THEMIS: variants seen among roughly 807,000 people sequenced by gnomAD.
The protein encoded by THEMIS is thymocyte selection associated.
In THEMIS, 37 loss-of-function variants were observed where a neutral mutation model predicts 52.6. That is an observed-to-expected ratio of 0.70 (90% CI 0.54 to 0.93). THEMIS has a LOEUF of 0.93. Among genes scored for constraint, THEMIS ranks in the 40% least tolerant of loss-of-function variants. The probability of loss-of-function intolerance (pLI) is 0.00; values close to 1 mark genes in which losing one functional copy is unlikely to be tolerated. For synonymous variants in THEMIS, 292 were observed against 272.7 expected (o/e 1.07, Z -0.70); for missense variants, 808 against 763.1 (o/e 1.06, Z -0.69).
chr6:127,883,744 G>A (rs991759300), intron 1 of THEMIS, among the ~76,000 whole-genome samples: 4 of 152,172 alleles, frequency 2.6e-5, no homozygotes, highest in African/African-American at 9.6e-5. Flanking sequence ...TAAGATTTGT[G>A]CTCAATTATT....
At chr6:127,726,754 A>G (rs931555696) in intron 4 of THEMIS, among the ~76,000 whole-genome samples, 1 of 152,148 alleles carries the variant, frequency 6.6e-6, no homozygotes, top group African/African-American at 2.4e-5. Context: ...TTTGATTGAA[A>G]TGAGTTGAAG....
chr6:127,815,082 C>T (rs1208216134), intron 3 of THEMIS, among the ~76,000 whole-genome samples: 2 of 152,008 alleles, frequency 1.3e-5, no homozygotes, highest in Admixed American at 1.3e-4. Context: ...GCCTGAGAAG[C>T]AAATGTTGCA....
chr6:127,734,444 G>A (rs956386186), intron 4 of THEMIS, among the ~76,000 whole-genome samples: 1 of 152,162 alleles, frequency 6.6e-6, no homozygotes, highest in Non-Finnish European at 1.5e-5. Flanking sequence ...GATGAAGTCA[G>A]GTAATGAGTA....
At chr6:127,716,550 C>T (rs1164544916) in intron 5 of THEMIS, among the ~76,000 whole-genome samples, 1 of 151,798 alleles carries the variant, frequency 6.6e-6, no homozygotes, top group African/African-American at 2.4e-5. Context: ...TCCAGATCTC[C>T]CTATGGGATC....
At chr6:127,793,703 A>T (rs1336265581) in intron 4 of THEMIS, among the ~76,000 whole-genome samples, 2 of 152,104 alleles carry the variant, frequency 1.3e-5, no homozygotes, top group South Asian at 2.1e-4. Flanking sequence ...ACTCAACTGA[A>T]TTTTTTTGTT....
intron 4 of THEMIS, among the ~76,000 whole-genome samples, chr6:127,808,137 G>C (rs915440238): frequency 6.6e-6 from 1 of 152,172 alleles, no homozygotes; most frequent in African/African-American, 2.4e-5. Context: ...TGGCCAAACA[G>C]AGTTAGTGAA....
intron 3 of THEMIS, among the ~76,000 whole-genome samples, chr6:127,814,578 C>T (rs1465944572): frequency 6.6e-6 from 1 of 152,054 alleles, no homozygotes; most frequent in Non-Finnish European, 1.5e-5. Flanking sequence ...TTTCTTTCTC[C>T]ACTGGTGTTA....
At chr6:127,897,559 G>A (rs1005574591) in intron 1 of THEMIS, among the ~76,000 whole-genome samples, 11 of 151,484 alleles carry the variant, frequency 7.3e-5, no homozygotes, top group African/African-American at 2.7e-4. Flanking sequence ...AATCTTATTA[G>A]TCATCAAGGA....
intron 4 of THEMIS, among the ~76,000 whole-genome samples, chr6:127,778,253 A>C (rs1776629641): frequency 6.6e-6 from 1 of 152,234 alleles, no homozygotes; most frequent in South Asian, 2.1e-4. Context: ...GCCTTCTGAC[A>C]ATCTTCCCTA....
intron 5 of THEMIS, among the ~76,000 whole-genome samples, 168 bp downstream of exon 5, chr6:127,719,520 T>C (rs977986012): frequency 6.6e-6 from 1 of 151,948 alleles, no homozygotes; most frequent in African/African-American, 2.4e-5. Flanking sequence ...GTGTTCAATA[T>C]CATGCTTCAC....
At chr6:127,779,950 C>A (rs1250758506) in intron 4 of THEMIS, among the ~76,000 whole-genome samples, 4 of 152,104 alleles carry the variant, frequency 2.6e-5, no homozygotes, top group Non-Finnish European at 5.9e-5. Context: ...CCCTGCATAT[C>A]CTTGTTAATT....
chr6:127,820,657 C>A (rs1316760394), intron 3 of THEMIS, among the ~76,000 whole-genome samples: 1 of 151,954 alleles, frequency 6.6e-6, no homozygotes, highest in Non-Finnish European at 1.5e-5. Context: ...GGGAGTCTAC[C>A]TTTCTTTCTA....
intron 4 of THEMIS, among the ~76,000 whole-genome samples, chr6:127,802,427 C>T (rs900699749): frequency 6.6e-5 from 10 of 152,146 alleles, no homozygotes; most frequent in African/African-American, 2.4e-4. Flanking sequence ...GGCCAAGTGG[C>T]AGCACTGAAC....
chr6:127,913,064 T>C (rs1781446216), intron 1 of THEMIS, among the ~76,000 whole-genome samples: 1 of 152,204 alleles, frequency 6.6e-6, no homozygotes, highest in African/African-American at 2.4e-5. Context: ...TATTTTTCCA[T>C]GCCTGAATGA....
In THEMIS at chr6:127,900,829, G is replaced by A. The variant is rs764684227; in HGVS notation, c.91+13C>T. 2.5e-6 allele frequency: 4 copies of A among 1,606,746 alleles called. No homozygotes were observed. The highest frequency in any genetic ancestry group is 2.6e-6 in the Non-Finnish European group (3 of 1,173,652). On this transcript the variant is annotated intron_variant, in intron 1 of 5. Transcript: ENST00000368248. Reference sequence around the variant, plus strand: ...GAATGTTCTAGCCAGTAAAGGTATTGGAGAGTGCTTACCTTCAAGATAGAT... The same window carrying A: ...GAATGTTCTAGCCAGTAAAGGTATTAGAGAGTGCTTACCTTCAAGATAGAT...
At chr6:127,816,301 T>C (rs1049197627) in intron 3 of THEMIS, among the ~76,000 whole-genome samples, 3 of 152,170 alleles carry the variant, frequency 2.0e-5, no homozygotes. Flanking sequence ...ACACTGATCT[T>C]AAGTGGTCTC....
At chr6:127,786,201 CAGAA>C (rs1194901817) in intron 4 of THEMIS, among the ~76,000 whole-genome samples, 1 of 152,048 alleles carries the variant, frequency 6.6e-6, no homozygotes, top group Non-Finnish European at 1.5e-5. Flanking sequence ...TCTCAGGTAA[CAGAA>C]AGCAAAATTA....
At chr6:127,725,705 G>A (rs1774520194) in intron 4 of THEMIS, among the ~76,000 whole-genome samples, 1 of 152,150 alleles carries the variant, frequency 6.6e-6, no homozygotes, top group Middle Eastern at 3.4e-3. Flanking sequence ...TTTCTACAAT[G>A]ATCCATACAT....
intron 4 of THEMIS, among the ~76,000 whole-genome samples, chr6:127,720,410 G>A (rs1392127807): frequency 1.3e-5 from 2 of 151,898 alleles, no homozygotes; most frequent in African/African-American, 2.4e-5. Context: ...TGTAAGAGAT[G>A]TCACAGCATT....
Sources: allele counts gnomAD v4.1 joint callset (sites outside exome capture counted in the v4.1 genomes callset), GRCh38; gene constraint gnomAD v4.1.1; transcripts MANE v1.5; gene names NCBI Gene and HGNC (gene_info 2026-07-23, HGNC 2026-07-21).